The following NFIA variants were observed in gnomAD, a reference collection of about 807,000 sequenced individuals.
NFIA encodes nuclear factor I A.
In NFIA, 8 loss-of-function variants were observed where a neutral mutation model predicts 62.8. The observed-to-expected ratio is 0.13, with a 90% confidence interval of 0.07 to 0.23. The LOEUF is 0.23. NFIA is among the 10% of genes least tolerant of loss of function. The pLI is 1.00. For missense variants in NFIA, 410 were observed against 642.1 expected (o/e 0.64, Z 3.91); for synonymous variants, 235 against 238.1 (o/e 0.99, Z 0.12).
rs1441522421 is a variant in NFIA at position 61,455,628 on chromosome 1, G to C, written c.*308G>C. On this transcript the variant is annotated 3_prime_UTR_variant, in exon 11 of 11. Coordinates refer to ENST00000403491, the MANE Select transcript of NFIA (RefSeq NM_001134673.4). Reference sequence around the variant, plus strand: ...CATGGTAGCGTGAGCATTAGGTGACGTGGCTAGCGGAGGACTACCCTTGCT... The same window carrying C: ...CATGGTAGCGTGAGCATTAGGTGACCTGGCTAGCGGAGGACTACCCTTGCT... The C allele has an allele frequency of 2.2e-6, 1 of 445,512 alleles. No homozygotes were observed. Among genetic ancestry groups the C allele is most frequent in the Admixed American group, 4.2e-5 (1 of 23,962 alleles). 27.6% of individuals were successfully genotyped at this position (445,512 alleles called of 1,614,324 possible).
chr1:61,177,512 G>A (rs981200182), intron 2 of NFIA, among the ~76,000 whole-genome samples: 8 of 152,120 alleles, frequency 5.3e-5, no homozygotes, highest in Non-Finnish European at 1.0e-4. Flanking sequence ...TAAAACTTGA[G>A]CTATTGTTAT....
At chr1:61,242,689 T>C (rs1486113449) in intron 2 of NFIA, among the ~76,000 whole-genome samples, 1 of 152,212 alleles carries the variant, frequency 6.6e-6, no homozygotes, top group African/African-American at 2.4e-5. Context: ...CTGTTTAATA[T>C]CAGCAATGGA....
intron 6 of NFIA, among the ~76,000 whole-genome samples, chr1:61,366,190 G>A (rs1430249912): frequency 6.6e-6 from 1 of 152,172 alleles, no homozygotes; most frequent in Non-Finnish European, 1.5e-5. Flanking sequence ...ATTTATACCA[G>A]GGGTCCAGTG....
chr1:61,312,879 TCAAAC>T (rs1660190393), intron 3 of NFIA, among the ~76,000 whole-genome samples: 1 of 152,142 alleles, frequency 6.6e-6, no homozygotes, highest in African/African-American at 2.4e-5. Flanking sequence ...TAAAAAAAAA[TCAAAC>T]CAAAACAAAA....
chr1:61,443,280 A>G (rs970628965), intron 10 of NFIA, among the ~76,000 whole-genome samples: 3 of 152,108 alleles, frequency 2.0e-5, no homozygotes, highest in African/African-American at 7.2e-5. Context: ...AAAAAGCATC[A>G]GTTACAGTCC....
chr1:61,214,841 A>C (rs1449594381), intron 2 of NFIA, among the ~76,000 whole-genome samples: 1 of 152,228 alleles, frequency 6.6e-6, no homozygotes, highest in Non-Finnish European at 1.5e-5. Context: ...AATGGCACTG[A>C]AGTTTTATGC....
intron 9 of NFIA, 126 bp from the exon 10 acceptor site, chr1:61,426,339 T>C (rs1666866703): frequency 4.5e-6 from 3 of 671,904 alleles, no homozygotes; most frequent in Non-Finnish European, 7.9e-6. Context: ...ACCCCTTTGC[T>C]AGCTACAGTG....
chr1:61,403,849 A>G (rs1665686662), intron 7 of NFIA, among the ~76,000 whole-genome samples: 1 of 152,196 alleles, frequency 6.6e-6, no homozygotes, highest in South Asian at 2.1e-4. Context: ...CTCACCAAGG[A>G]TTATTAATGC....
At chr1:61,096,489 C>T (rs911749555) in intron 2 of NFIA, among the ~76,000 whole-genome samples, 26 of 151,740 alleles carry the variant, frequency 1.7e-4, no homozygotes, top group Non-Finnish European at 2.9e-4. Context: ...CAGGCATGAG[C>T]CACCACGCCT....
intron 6 of NFIA, among the ~76,000 whole-genome samples, chr1:61,380,701 A>C (rs527379460): frequency 6.6e-6 from 1 of 152,182 alleles, no homozygotes; most frequent in Non-Finnish European, 1.5e-5. Context: ...TTGAAAACAC[A>C]AAGTAATTTT....
chr1:61,337,174 G>A (rs1288830054), intron 4 of NFIA, among the ~76,000 whole-genome samples: 1 of 152,160 alleles, frequency 6.6e-6, no homozygotes, highest in Non-Finnish European at 1.5e-5. Flanking sequence ...ATTCAGAGGT[G>A]AGGGATGAGG....
intron 2 of NFIA, among the ~76,000 whole-genome samples, chr1:61,182,527 T>C (rs920104346): frequency 1.2e-4 from 18 of 152,324 alleles, no homozygotes; most frequent in Non-Finnish European, 2.4e-4. Flanking sequence ...TTCAGGACCT[T>C]GAAGAATTTT....
At chr1:61,255,604 T>C (rs1482050442) in intron 2 of NFIA, among the ~76,000 whole-genome samples, 1 of 152,180 alleles carries the variant, frequency 6.6e-6, no homozygotes, top group Admixed American at 6.5e-5. Context: ...ACATTAAAAG[T>C]ATGTTACTTT....
chr1:61,265,645 A>G (rs1423798981), intron 2 of NFIA, among the ~76,000 whole-genome samples: 1 of 152,244 alleles, frequency 6.6e-6, no homozygotes, highest in Non-Finnish European at 1.5e-5. Context: ...TATTTTAATA[A>G]TATAACGTAG....
At chr1:61,214,206 T>G (rs182660298) in intron 2 of NFIA, among the ~76,000 whole-genome samples, 1 of 152,274 alleles carries the variant, frequency 6.6e-6, no homozygotes, top group East Asian at 1.9e-4. Flanking sequence ...GTTCCATCTT[T>G]GTGGTCAGGA....
At chr1:61,402,249 A>G (rs999294849) in intron 7 of NFIA, among the ~76,000 whole-genome samples, 2 of 151,810 alleles carry the variant, frequency 1.3e-5, no homozygotes, top group Non-Finnish European at 2.9e-5. Flanking sequence ...CGTGTTACCC[A>G]GGGTGGTCTC....
At chr1:61,247,479 A>G (rs1655723313) in intron 2 of NFIA, among the ~76,000 whole-genome samples, 1 of 152,146 alleles carries the variant, frequency 6.6e-6, no homozygotes. Context: ...CATTAAAGCT[A>G]CTTTCTGGGT....
chr1:61,408,503 T>G (rs1282746433), intron 9 of NFIA, among the ~76,000 whole-genome samples: 1 of 152,246 alleles, frequency 6.6e-6, no homozygotes, highest in Non-Finnish European at 1.5e-5. Context: ...TGTCCATGCC[T>G]CTGCATACCA....
chr1:61,223,412 C>G (rs1197947933), intron 2 of NFIA, among the ~76,000 whole-genome samples: 1 of 151,928 alleles, frequency 6.6e-6, no homozygotes, highest in Non-Finnish European at 1.5e-5. Flanking sequence ...AGTAGAAGAA[C>G]CTTTCCCTGT....
Sources: allele counts gnomAD v4.1 joint callset (sites outside exome capture counted in the v4.1 genomes callset), GRCh38; gene constraint gnomAD v4.1.1; transcripts MANE v1.5; gene names NCBI Gene and HGNC (gene_info 2026-07-23, HGNC 2026-07-21).